VAC14: variants seen among roughly 807,000 people sequenced by gnomAD.
The protein encoded by VAC14 is protein VAC14 homolog.
A neutral mutation model predicts 85.3 loss-of-function variants in VAC14; 47 were observed. The observed-to-expected ratio is 0.55, with a 90% CI of 0.44 to 0.70. VAC14 has a LOEUF of 0.70. Among genes scored for constraint, VAC14 ranks in the 30% least tolerant of loss-of-function variants. The pLI, the probability that VAC14 is intolerant of heterozygous loss-of-function variation, is 0.00. For missense variants in VAC14, 861 were observed against 1,004.3 expected, an observed-to-expected ratio of 0.86 and a Z score of 1.93; for synonymous variants, 447 against 430.5, an observed-to-expected ratio of 1.04 and a Z score of -0.47.
chr16:70,793,896 G>A (rs2034437065), intron 1 of VAC14, among the ~76,000 whole-genome samples: 1 of 152,128 alleles, frequency 6.6e-6, no homozygotes, highest in African/African-American at 2.4e-5. Context: ...TGTTGGCTGG[G>A]CACCCACCAA....
intron 13 of VAC14, among the ~76,000 whole-genome samples, chr16:70,736,252 C>T (rs1014350575): frequency 7.2e-5 from 11 of 152,168 alleles, no homozygotes; most frequent in African/African-American, 2.2e-4. Context: ...TGTAATGTGC[C>T]GGGTCCGGAG....
At chr16:70,690,444 C>T (rs1406548454) in intron 18 of VAC14, 6 of 985,490 alleles carry the variant, frequency 6.1e-6, no homozygotes, top group Admixed American at 6.1e-5. Flanking sequence ...GACTCAGGGC[C>T]GGCTCTCACT....
At chr16:70,792,445 G>C (rs2034381053) in intron 1 of VAC14, among the ~76,000 whole-genome samples, 1 of 152,192 alleles carries the variant, frequency 6.6e-6, no homozygotes, top group South Asian at 2.1e-4. Flanking sequence ...ACCAGAGCAG[G>C]GATCCACTTC....
chr16:70,747,905 G>C (rs2031048817), intron 12 of VAC14: 1 of 152,158 alleles, frequency 6.6e-6, no homozygotes, highest in Non-Finnish European at 1.5e-5. Context: ...TTCCCTGTCA[G>C]AACAGAGGCC....
intron 1 of VAC14, 145 bp downstream of exon 1, chr16:70,800,652 C>T (rs2034750436): frequency 1.5e-6 from 1 of 649,526 alleles, no homozygotes; most frequent in Non-Finnish European, 2.6e-6. Flanking sequence ...CCAGATATGG[C>T]TCCCAATCTG....
intron 6 of VAC14, 120 bp from the exon 7 acceptor site, chr16:70,783,259 G>A (rs1439665092): frequency 8.7e-7 from 1 of 1,148,304 alleles, no homozygotes; most frequent in East Asian, 2.4e-5. Context: ...TTTTGGACTT[G>A]TCAGGTGATC....
intron 14 of VAC14, among the ~76,000 whole-genome samples, chr16:70,723,827 G>C (rs2054355030): frequency 6.6e-6 from 1 of 152,246 alleles, no homozygotes; most frequent in Non-Finnish European, 1.5e-5. Context: ...TGAGGGGTCT[G>C]ACCACGTGTG....
At chr16:70,761,265 A>C (rs1206995202) in intron 12 of VAC14, 2 of 435,390 alleles carry the variant, frequency 4.6e-6, no homozygotes, top group Admixed American at 5.0e-5. Context: ...ACTGGTGAGC[A>C]ATAGCCCTCT....
chr16:70,695,729 G>A (rs1457279426), intron 16 of VAC14, 106 bp from the exon 17 acceptor site: 14 of 1,079,906 alleles, frequency 1.3e-5, no homozygotes, highest in Admixed American at 2.0e-5. Flanking sequence ...CACAGAGCCT[G>A]GTTGTGGTGA....
At chr16:70,689,611 G>A (rs1269456800) in intron 18 of VAC14, 25 of 985,550 alleles carry the variant, frequency 2.5e-5, no homozygotes, top group African/African-American at 3.5e-5. Context: ...CCGCCTCCCT[G>A]CTGAAGATGC....
intron 14 of VAC14, among the ~76,000 whole-genome samples, chr16:70,722,001 AGAT>A (rs1284703876): frequency 2.6e-5 from 4 of 152,216 alleles, no homozygotes; most frequent in Non-Finnish European, 5.9e-5. Flanking sequence ...AGTACCCTGC[AGAT>A]CACCTCCCAA....
chr16:70,738,817 A>C (rs2029964844), intron 13 of VAC14, among the ~76,000 whole-genome samples: 1 of 152,188 alleles, frequency 6.6e-6, no homozygotes, highest in African/African-American at 2.4e-5. Context: ...GTGGCCTGCC[A>C]TGACGCTATT....
intron 12 of VAC14, among the ~76,000 whole-genome samples, chr16:70,745,526 TGC>T (rs1567560990): frequency 4.0e-5 from 6 of 149,312 alleles, no homozygotes; most frequent in Non-Finnish European, 7.4e-5. Flanking sequence ...TGTGCGCGTG[TGC>T]GCGCGTGTGC....
At chr16:70,752,773 C>T (rs2031491903) in intron 12 of VAC14, among the ~76,000 whole-genome samples, 1 of 152,244 alleles carries the variant, frequency 6.6e-6, no homozygotes, top group Non-Finnish European at 1.5e-5. Flanking sequence ...AGGACAGGCC[C>T]CAGATGTGGG....
At chr16:70,776,013 A>C (rs2033498275) in intron 9 of VAC14, among the ~76,000 whole-genome samples, 1 of 152,220 alleles carries the variant, frequency 6.6e-6, no homozygotes, top group Admixed American at 6.5e-5. Flanking sequence ...GGGGGTAATG[A>C]CAGTACCTAT....
intron 14 of VAC14, among the ~76,000 whole-genome samples, chr16:70,702,322 C>T (rs1191551174): frequency 6.6e-6 from 1 of 152,180 alleles, no homozygotes; most frequent in Non-Finnish European, 1.5e-5. Context: ...GAGCACAAGC[C>T]TCCTCACGAG....
chr16:70,778,867 T>G (rs1330410772), intron 9 of VAC14: 1 of 152,198 alleles, frequency 6.6e-6, no homozygotes, highest in Non-Finnish European at 1.5e-5. Flanking sequence ...AAAACAAAAA[T>G]CAAACACTCA....
chr16:70,780,767 G>A, intron 9 of VAC14, 23 bp downstream of exon 9: 2 of 1,564,998 alleles, frequency 1.3e-6, no homozygotes, highest in Non-Finnish European at 1.7e-6. Context: ...AGGAGGTGAG[G>A]TGTAGGGACG....
chr16:70,772,057 G>C (rs184215147), intron 10 of VAC14, 52 bp downstream of exon 10: 4 of 1,570,260 alleles, frequency 2.5e-6, no homozygotes, highest in African/African-American at 1.3e-5. Context: ...ATCCAGGAAA[G>C]ATCTAGGCCG....
Sources: allele counts gnomAD v4.1 joint callset (sites outside exome capture counted in the v4.1 genomes callset), GRCh38; gene constraint gnomAD v4.1.1; transcripts MANE v1.5; gene names NCBI Gene and HGNC (gene_info 2026-07-23, HGNC 2026-07-21).